The following MTSS1 variants were observed in gnomAD, a reference collection of about 807,000 sequenced individuals.
MTSS1 encodes the protein MTSS I-BAR domain containing 1.
A neutral mutation model predicts 79.0 loss-of-function variants in MTSS1; 18 were observed. That is an observed-to-expected ratio of 0.23 (90% CI 0.16 to 0.34). MTSS1 has a LOEUF of 0.34. Ranked by LOEUF, MTSS1 falls within the 10% of genes least tolerant of loss-of-function variation. The probability of loss-of-function intolerance (pLI) is 1.00; values close to 1 mark genes in which losing one functional copy is unlikely to be tolerated. For missense variants in MTSS1, 815 were observed against 986.2 expected (o/e 0.83, Z 2.33); for synonymous variants, 341 against 368.6 (o/e 0.93, Z 0.86).
At chr8:124,599,147 C>A (rs528233361) in intron 3 of MTSS1, among the ~76,000 whole-genome samples, 5 of 152,284 alleles carry the variant, frequency 3.3e-5, no homozygotes, top group African/African-American at 9.6e-5. Context: ...CCCGTTCCCC[C>A]ACAGTGAAAT....
chr8:124,634,137 T>C (rs950521748), intron 3 of MTSS1, among the ~76,000 whole-genome samples: 5 of 151,448 alleles, frequency 3.3e-5, no homozygotes, highest in Admixed American at 6.6e-5. Flanking sequence ...AGACAGGGTC[T>C]CACTCTGTTG....
intron 3 of MTSS1, chr8:124,619,412 A>G (rs142217725): frequency 2.0e-5 from 3 of 152,608 alleles, no homozygotes; most frequent in African/African-American, 7.2e-5. Flanking sequence ...TGCCTAAACC[A>G]GACCCCTGTG....
At chr8:124,631,131 C>T (rs1242120391) in intron 3 of MTSS1, among the ~76,000 whole-genome samples, 2 of 152,204 alleles carry the variant, frequency 1.3e-5, no homozygotes, top group Admixed American at 6.5e-5. Context: ...GAAACATACA[C>T]GCAGCACAGA....
At chr8:124,682,046 GGTTA>G (rs1446658161) in intron 3 of MTSS1, among the ~76,000 whole-genome samples, 3 of 152,202 alleles carry the variant, frequency 2.0e-5, no homozygotes, top group Admixed American at 2.0e-4. Context: ...GGTACACAGA[GGTTA>G]AGGCAACTTC....
At chr8:124,567,431 C>T (rs527996639) in intron 7 of MTSS1, among the ~76,000 whole-genome samples, 7 of 152,368 alleles carry the variant, frequency 4.6e-5, no homozygotes, top group East Asian at 1.9e-4. Flanking sequence ...GCCTCCCTCC[C>T]AGGGCCTGGG....
chr8:124,727,465 T>G lies in MTSS1; in HGVS notation c.72+419A>C. On this transcript the variant is annotated intron_variant, in intron 1 of 13. Coordinates refer to ENST00000518547, the MANE Select transcript of MTSS1 (RefSeq NM_014751.6). The surrounding 1 kb of genome is among the most constrained non-coding windows in gnomAD (Gnocchi z 4.7). ...TCCTGCGAGCGGGCAGAGCCCCCAC[T>G]TCCTCCCCACCACCGCGCCAGGCGC... is the stretch of plus-strand genomic sequence containing the variant. 1 of 440,072 alleles carries G rather than the reference T, an allele frequency of 2.3e-6. No homozygotes were observed. The highest frequency in any genetic ancestry group is 4.5e-6 in the Non-Finnish European group (1 of 219,890). The allele number at this position is 440,072 out of a possible 1,614,324, so 27.3% of individuals were successfully genotyped here. A position where few individuals can be genotyped will look rare whatever the true frequency, so the allele number is the denominator to read the frequency against.
intron 2 of MTSS1, among the ~76,000 whole-genome samples, chr8:124,702,978 C>A (rs1829912371): frequency 6.6e-6 from 1 of 152,148 alleles, no homozygotes; most frequent in Non-Finnish European, 1.5e-5. Flanking sequence ...GCAATCACAG[C>A]CCCTTAGAGC....
At chr8:124,703,933 G>A (rs1298580731) in intron 2 of MTSS1, among the ~76,000 whole-genome samples, 197 bp downstream of exon 2, 1 of 152,160 alleles carries the variant, frequency 6.6e-6, no homozygotes, top group Admixed American at 6.6e-5. Flanking sequence ...ACATGAATGA[G>A]TCCCATTTTA....
At position 124,557,819 on chromosome 8, in the gene MTSS1, C is replaced by T. The variant is rs374958242; in HGVS notation, c.1092G>A (p.Thr364=). 54 of 1,596,944 alleles carry T rather than the reference C, an allele frequency of 3.4e-5. No homozygotes were observed. In the Middle Eastern group the frequency reaches 1.0e-3, roughly 29 times the overall value. Residue 364 remains threonine, a synonymous_variant, in exon 11 of 14, where the codon ACG becomes ACA. Coordinates refer to ENST00000518547, the MANE Select transcript of MTSS1 (RefSeq NM_014751.6). ...GGCAATGAGGGAAAAGGCCTGCACCCGTGGGCCCCACGTGGGACTCACTTG... is the reference window on the plus strand; with the variant it reads ...GGCAATGAGGGAAAAGGCCTGCACCTGTGGGCCCCACGTGGGACTCACTTG... ...SLSSESHVGP[T]GAGLFPHCLP...
At chr8:124,623,108 G>C (rs2133602757) in intron 3 of MTSS1, among the ~76,000 whole-genome samples, 1 of 152,352 alleles carries the variant, frequency 6.6e-6, no homozygotes, top group Admixed American at 6.5e-5. Context: ...GAACTGTCTT[G>C]ACTGAAGGAT....
At chr8:124,633,265 T>G (rs1206601894) in intron 3 of MTSS1, among the ~76,000 whole-genome samples, 2 of 152,032 alleles carry the variant, frequency 1.3e-5, no homozygotes, top group Non-Finnish European at 2.9e-5. Flanking sequence ...CTTAATAATT[T>G]TATGTTTGGT....
chr8:124,693,623 C>T (rs9643200), intron 3 of MTSS1, among the ~76,000 whole-genome samples: 54,176 of 152,116 alleles, frequency 0.36, 10,456 homozygotes, highest in Non-Finnish European at 0.41. Context: ...GACCAGCCTT[C>T]GATGCCTGTC....
rs373490841 is a variant in MTSS1, at chr8:124,565,614, G to C, written c.824+48C>G. ...GCTCCATTGCTCACATTAGCATAAA[G>C]AAAAATGACCCGTCCTGAAAGCAAG... On this transcript the variant is annotated intron_variant, in intron 9 of 13. Coordinates refer to ENST00000518547, the MANE Select transcript of MTSS1 (RefSeq NM_014751.6). The C allele has an allele frequency of 3.9e-6, 6 of 1,532,300 alleles. No homozygotes were observed. The African/African-American group carries it at 8.2e-5, about 21-fold the overall frequency. 94.9% of individuals were successfully genotyped at this position (1,532,300 alleles called of 1,614,324 possible).
At chr8:124,618,356 CACA>C (rs1157986608) in intron 3 of MTSS1, among the ~76,000 whole-genome samples, 1 of 152,338 alleles carries the variant, frequency 6.6e-6, no homozygotes, top group East Asian at 1.9e-4. Flanking sequence ...TTTTCTGTTT[CACA>C]ACATTTCTGG....
rs58367314 is a variant in MTSS1 at position 124,612,574 on chromosome 8, ATGTGTGTGTGTGTGTGTGTGTG to A, written c.209-21361_209-21340del. Among the ~76,000 whole-genome samples, 316 of 99,574 alleles carry A rather than the reference ATGTGTGTGTGTGTGTGTGTGTG, an allele frequency of 3.2e-3. 2 individuals carry two copies. The highest frequency in any genetic ancestry group is 0.011 in the African/African-American group (286 of 26,140). The allele number at this position is 99,574 out of a possible 152,430, so 65.3% of individuals were successfully genotyped here. A position where few individuals can be genotyped will look rare whatever the true frequency, so the allele number is the denominator to read the frequency against. On this transcript the variant is annotated intron_variant, in intron 3 of 13. Transcript: ENST00000518547. The stretch of plus-strand genomic sequence containing the variant: ...TGAGATTTTAAAGACCAAGTTTAAA[ATGTGTGTGTGTGTGTGTGTGTG>A]TGTGTGTGTGTGTGTGTGTGTGTGT...
chr8:124,699,682 T>C, intron 2 of MTSS1, 83 bp from the exon 3 acceptor site: 1 of 1,254,670 alleles, frequency 8.0e-7, no homozygotes, highest in Non-Finnish European at 1.2e-6. Flanking sequence ...AAACCTCTGC[T>C]AAGGAGTACA....
intron 3 of MTSS1, among the ~76,000 whole-genome samples, chr8:124,598,752 T>C (rs571821203): frequency 1.4e-4 from 21 of 152,324 alleles, no homozygotes; most frequent in Admixed American, 5.2e-4. Context: ...CCCTCTCCTA[T>C]GGCCTTAGGG....
intron 1 of MTSS1, among the ~76,000 whole-genome samples, chr8:124,704,740 C>T (rs1587898561): frequency 6.6e-6 from 1 of 152,340 alleles, no homozygotes; most frequent in East Asian, 1.9e-4. Context: ...CAACACACTT[C>T]GGCTAACAGG....
intron 2 of MTSS1, among the ~76,000 whole-genome samples, chr8:124,702,695 G>A (rs536079070): frequency 7.2e-5 from 11 of 152,092 alleles, no homozygotes; most frequent in African/African-American, 1.9e-4. Context: ...CCTCTCTGTC[G>A]TCCACATGGC....
Sources: allele counts gnomAD v4.1 joint callset (sites outside exome capture counted in the v4.1 genomes callset), GRCh38; gene constraint gnomAD v4.1.1; non-coding constraint Gnocchi (gnomAD v3.1); transcripts MANE v1.5; gene names NCBI Gene and HGNC (gene_info 2026-07-23, HGNC 2026-07-21).